The following VPS35L variants were observed in gnomAD, a reference collection of about 807,000 sequenced individuals.
VPS35L encodes the protein VPS35 endosomal protein-sorting factor-like.
VPS35L carries 83 observed loss-of-function variants against 133.0 expected under a neutral mutation model. That is an observed-to-expected ratio of 0.62 (90% CI 0.52 to 0.75). The LOEUF is 0.75. Among genes scored for constraint, VPS35L ranks in the 30% least tolerant of loss-of-function variants. The pLI is 0.00. For missense variants in VPS35L, 1,083 were observed against 1,206.8 expected (o/e 0.90, Z 1.52); for synonymous variants, 423 against 449.9 (o/e 0.94, Z 0.76).
At chr16:19,569,678 T>C in intron 3 of VPS35L, 87 bp downstream of exon 3, 3 of 1,326,064 alleles carry the variant, frequency 2.3e-6, no homozygotes, top group Non-Finnish European at 3.0e-6. Flanking sequence ...GCCCTTTTTT[T>C]TCCCCTGAGA....
intron 12 of VPS35L, among the ~76,000 whole-genome samples, chr16:19,614,613 G>A (rs994756405): frequency 1.3e-5 from 2 of 152,208 alleles, no homozygotes; most frequent in Non-Finnish European, 2.9e-5. Context: ...GTTTCACCAT[G>A]TTGACCAGGC....
intron 26 of VPS35L, among the ~76,000 whole-genome samples, chr16:19,658,335 G>A (rs1304517110): frequency 2.0e-5 from 3 of 152,140 alleles, no homozygotes; most frequent in African/African-American, 7.2e-5. Context: ...TTCAAGACCA[G>A]CCTGGCCAAC....
chr16:19,581,707 C>G, intron 7 of VPS35L, 54 bp downstream of exon 7: 2 of 1,542,890 alleles, frequency 1.3e-6, no homozygotes, highest in South Asian at 2.3e-5. Flanking sequence ...TAAAATTCCA[C>G]TGTGAGACTT....
chr16:19,636,977 A>G (rs1354317025), intron 19 of VPS35L, among the ~76,000 whole-genome samples: 2 of 152,242 alleles, frequency 1.3e-5, no homozygotes, highest in African/African-American at 2.4e-5. Context: ...TGAATAATCA[A>G]GAAACACAGG....
intron 20 of VPS35L, among the ~76,000 whole-genome samples, chr16:19,638,030 A>AGTAGT (rs1690864121): frequency 6.6e-6 from 1 of 152,192 alleles, no homozygotes; most frequent in African/African-American, 2.4e-5. Flanking sequence ...TGTTGAAACT[A>AGTAGT]TGAAATACAT....
Position 19,700,588 on chromosome 16 carries a change from A to T in VPS35L, c.*112A>T. On this transcript the variant is annotated 3_prime_UTR_variant, in exon 31 of 31. Transcript: ENST00000417362. ...GGTTTCTCATTTTTCTTTTCTTTTT[A>T]CATATGTACAAATTGTTTTAAGCTT... is the stretch of plus-strand genomic sequence containing the variant. 1 of 871,700 alleles carries T rather than the reference A, an allele frequency of 1.1e-6. No individual in the cohort carries two copies. The highest frequency in any genetic ancestry group is 1.6e-5 in the South Asian group (1 of 62,504). The allele number at this position is 871,700 out of a possible 1,614,324, so 54.0% of individuals were successfully genotyped here. A position where few individuals can be genotyped will look rare whatever the true frequency, so the allele number is the denominator to read the frequency against.
chr16:19,575,073 A>G, intron 4 of VPS35L, 25 bp from the exon 5 acceptor site: 6 of 1,579,604 alleles, frequency 3.8e-6, no homozygotes, highest in Non-Finnish European at 5.2e-6. Flanking sequence ...TTTTTAAAAT[A>G]TTAATGAATT....
At chr16:19,624,440 C>T (rs1973195264) in intron 14 of VPS35L, among the ~76,000 whole-genome samples, 1 of 151,864 alleles carries the variant, frequency 6.6e-6, no homozygotes, top group South Asian at 2.1e-4. Context: ...AAAAAATTAG[C>T]CAGGCATGAT....
chr16:19,611,945 T>TC (rs1439848324), intron 12 of VPS35L: 2 of 125,080 alleles, frequency 1.6e-5, no homozygotes, highest in African/African-American at 8.8e-5. Context: ...TTCTTTTTCC[T>TC]TTTTTTTTTT....
chr16:19,643,847 A>G (rs1433224711), intron 22 of VPS35L, among the ~76,000 whole-genome samples: 1 of 152,116 alleles, frequency 6.6e-6, no homozygotes, highest in Non-Finnish European at 1.5e-5. Context: ...AATCCCAGCT[A>G]CTTGGGAGGC....
At chr16:19,688,962 G>A (rs750195877) in intron 28 of VPS35L, among the ~76,000 whole-genome samples, 2 of 152,066 alleles carry the variant, frequency 1.3e-5, no homozygotes, top group African/African-American at 2.4e-5. Context: ...CTCTTCCATC[G>A]TACAGTGGGA....
intron 6 of VPS35L, among the ~76,000 whole-genome samples, chr16:19,580,464 C>T (rs1971674434): frequency 6.6e-6 from 1 of 152,036 alleles, no homozygotes; most frequent in African/African-American, 2.4e-5. Context: ...AGGAAATATA[C>T]ATATAAACCT....
At chr16:19,632,744 T>A (rs1025106569) in intron 18 of VPS35L, among the ~76,000 whole-genome samples, 2 of 152,220 alleles carry the variant, frequency 1.3e-5, no homozygotes, top group Non-Finnish European at 2.9e-5. Context: ...CCTGCAGTCT[T>A]CCGCAGTGCT....
intron 24 of VPS35L, among the ~76,000 whole-genome samples, chr16:19,650,139 A>G (rs1974078227): frequency 6.6e-6 from 1 of 152,166 alleles, no homozygotes; most frequent in Non-Finnish European, 1.5e-5. Flanking sequence ...GCTGATCAAA[A>G]GGCATGACTG....
chr16:19,693,709 G>A (rs190031581), intron 29 of VPS35L, among the ~76,000 whole-genome samples: 11 of 152,066 alleles, frequency 7.2e-5, no homozygotes, highest in Non-Finnish European at 1.0e-4. Flanking sequence ...GCTTAAACCC[G>A]GGAGGCGGAG....
chr16:19,642,385 A>G lies in VPS35L; in HGVS notation c.1785-11A>G. The G allele has an allele frequency of 6.2e-7, 1 of 1,611,416 alleles. No individual in the cohort carries two copies. The highest frequency in any genetic ancestry group is 1.1e-5 in the South Asian group (1 of 90,924). On this transcript the variant is annotated splice_polypyrimidine_tract_variant and intron_variant, in intron 21 of 30. Coordinates refer to ENST00000417362, the MANE Select transcript of VPS35L (RefSeq NM_020314.7). ...ACAAAACTTTGACTTTTATCTTTAA[A>G]TGTCTCCTAGGCATCAACAAGAGCC... is the stretch of plus-strand genomic sequence containing the variant.
chr16:19,569,519 C>T lies in VPS35L; in HGVS notation c.213C>T (p.Ser71=), dbSNP rs375300632. The T allele has an allele frequency of 6.2e-6, 10 of 1,610,272 alleles. No individual in the cohort carries two copies. Among genetic ancestry groups the T allele is most frequent in the East Asian group, 2.2e-5 (1 of 44,848 alleles). The change falls in exon 3 of 31, where the codon AGC becomes AGT. Residue 71 remains serine, a synonymous_variant. Transcript: ENST00000417362. ...SSSSVVDPLS[S]VLDGTDPLSM... ...GCTCCGTGGTGGACCCGCTGAGCAG[C>T]GTCCTCGATGGGACTGACCCCCTCT...
intron 18 of VPS35L, among the ~76,000 whole-genome samples, chr16:19,632,522 A>G (rs1272043896): frequency 6.6e-6 from 1 of 152,132 alleles, no homozygotes; most frequent in Non-Finnish European, 1.5e-5. Flanking sequence ...GATTTTTCCC[A>G]TTGCATCCTT....
chr16:19,666,443 A>G (rs779135413), intron 26 of VPS35L, among the ~76,000 whole-genome samples: 15 of 152,210 alleles, frequency 9.9e-5, no homozygotes, highest in African/African-American at 2.4e-5. Flanking sequence ...TTTGATTTCT[A>G]ATTACTTAAG....
Sources: gnomAD v4.1 joint callset for allele counts (sites outside exome capture counted in the v4.1 genomes callset) on GRCh38, gnomAD v4.1.1 for gene constraint, MANE v1.5 for transcripts, NCBI Gene and HGNC (gene_info 2026-07-23, HGNC 2026-07-21) for gene names.